GABRG3: variants seen among roughly 807,000 people sequenced by gnomAD.
The protein encoded by GABRG3 is gamma-aminobutyric acid type A receptor subunit gamma3.
In GABRG3, 25 loss-of-function variants were observed where a neutral mutation model predicts 48.8. The ratio of observed to expected loss-of-function variants is 0.51; its 90% CI spans 0.37 to 0.72. The LOEUF (loss-of-function observed/expected upper bound fraction) is 0.72, where lower values mean the gene tolerates loss of function less well. GABRG3 is among the 30% of genes least tolerant of loss of function. The pLI is 0.00. For missense variants in GABRG3, 394 were observed against 577.9 expected, an observed-to-expected ratio of 0.68 and a Z score of 3.26; for synonymous variants, 227 against 217.6, an observed-to-expected ratio of 1.04 and a Z score of -0.38.
chr15:27,152,735 C>A (rs1278318469), intron 3 of GABRG3, among the ~76,000 whole-genome samples: 1 of 151,992 alleles, frequency 6.6e-6, no homozygotes, highest in Admixed American at 6.6e-5. Context: ...TAATTTTGTT[C>A]TTTGCATATT....
At chr15:27,426,886 G>T in intron 5 of GABRG3, among the ~76,000 whole-genome samples, 1 of 152,060 alleles carries the variant, frequency 6.6e-6, no homozygotes, top group East Asian at 1.9e-4. Flanking sequence ...TGCTTCTCTG[G>T]TTGTGGCTTG....
intron 5 of GABRG3, among the ~76,000 whole-genome samples, chr15:27,473,570 CT>C (rs1389141759): frequency 3.3e-5 from 5 of 152,260 alleles, no homozygotes; most frequent in African/African-American, 9.6e-5. Flanking sequence ...AATAAGCTGG[CT>C]GATCAGCTTT....
Position 27,194,835 on chromosome 15 carries a change from C to T in GABRG3, c.271-131974C>T, listed in dbSNP as rs576690003. On this transcript the variant is annotated intron_variant, in intron 3 of 9. Transcript: ENST00000615808. Reference sequence around the variant, plus strand: ...TCAGCCATTATTTCTTGCAATACTTCCAATAGTGTTTCAATCCTCTCTCTC... The same window carrying T: ...TCAGCCATTATTTCTTGCAATACTTTCAATAGTGTTTCAATCCTCTCTCTC... 5.3e-5 allele frequency among the ~76,000 whole-genome samples: 8 copies of T among 152,266 alleles called. No individual in the cohort carries two copies. The South Asian group carries it at 1.7e-3, about 32-fold the overall frequency.
In GABRG3 at chr15:27,355,826, G is replaced by A. The variant is rs532861208; in HGVS notation, c.574+26938G>A. Among the ~76,000 whole-genome samples, 5 of 152,246 alleles carry A rather than the reference G, an allele frequency of 3.3e-5. No homozygotes were observed. The South Asian group carries it at 1.0e-3, about 32-fold the overall frequency. On this transcript the variant is annotated intron_variant, in intron 5 of 9. Coordinates refer to ENST00000615808, the MANE Select transcript of GABRG3 (RefSeq NM_033223.5). Reference sequence around the variant, plus strand: ...AAATTCAAACAGATGCTACAACATAGATAAACTTGGAAACCATGCAAAGTG... The same window carrying A: ...AAATTCAAACAGATGCTACAACATAAATAAACTTGGAAACCATGCAAAGTG...
At chr15:27,166,656 G>C (rs954784028) in intron 3 of GABRG3, among the ~76,000 whole-genome samples, 5 of 152,110 alleles carry the variant, frequency 3.3e-5, no homozygotes, top group Non-Finnish European at 7.4e-5. Context: ...CCAGCTTCCC[G>C]CAAGGAACTG....
rs186624272 is a variant in GABRG3 at position 27,265,831 on chromosome 15, T to G, written c.271-60978T>G. On this transcript the variant is annotated intron_variant, in intron 3 of 9. Transcript: ENST00000615808. ...CTTTTCATGGATCATGCTTTTGGTG[T>G]TTTATCTAAAAACTCATCACCAAAT... Among the ~76,000 whole-genome samples the G allele has an allele frequency of 2.2e-4, 34 of 151,694 alleles. 1 individual carries two copies. The highest frequency in any genetic ancestry group is 2.0e-3 in the Admixed American group (31 of 15,156).
At chr15:27,214,872 C>A (rs1351550845) in intron 3 of GABRG3, among the ~76,000 whole-genome samples, 4 of 152,152 alleles carry the variant, frequency 2.6e-5, no homozygotes, top group African/African-American at 9.7e-5. Flanking sequence ...TCCTTCTCTG[C>A]CAGTCTGTTC....
At chr15:27,212,449 A>G (rs2140435537) in intron 3 of GABRG3, among the ~76,000 whole-genome samples, 1 of 152,314 alleles carries the variant, frequency 6.6e-6, no homozygotes, top group Admixed American at 6.5e-5. Flanking sequence ...TTTTTAACTG[A>G]AGCCCTAGTT....
intron 3 of GABRG3, among the ~76,000 whole-genome samples, chr15:27,143,484 T>A (rs915552117): frequency 1.3e-5 from 2 of 152,244 alleles, no homozygotes; most frequent in African/African-American, 4.8e-5. Context: ...GGTTGACATT[T>A]ATTTGATTTA....
intron 5 of GABRG3, among the ~76,000 whole-genome samples, chr15:27,350,899 TTGTG>T (rs905748049): frequency 9.6e-5 from 14 of 146,292 alleles, no homozygotes; most frequent in Non-Finnish European, 1.4e-4. Context: ...TCGTGTGTGT[TTGTG>T]TGTGTGTATC....
At chr15:27,273,751 C>A (rs1891163423) in intron 3 of GABRG3, among the ~76,000 whole-genome samples, 2 of 152,198 alleles carry the variant, frequency 1.3e-5, no homozygotes, top group South Asian at 4.1e-4. Flanking sequence ...ATTTGAATGA[C>A]TGAAACATTT....
chr15:26,988,879 A>AT lies in GABRG3; in HGVS notation c.202+11734dup, dbSNP rs1185543629. Among the ~76,000 whole-genome samples, 6 of 152,122 alleles carry AT rather than the reference A, an allele frequency of 3.9e-5. No individual in the cohort carries two copies. The East Asian group carries it at 9.6e-4, about 24-fold the overall frequency. On this transcript the variant is annotated intron_variant, in intron 2 of 9. Coordinates refer to ENST00000615808, the MANE Select transcript of GABRG3 (RefSeq NM_033223.5). ...ATACCCTTTCAGCATGGCTGAAAAT[A>AT]TTTTTATTTTGCCTGTGTGAAAACA... is the stretch of plus-strand genomic sequence containing the variant.
intron 6 of GABRG3, among the ~76,000 whole-genome samples, chr15:27,514,672 A>T (rs1890976782): frequency 6.6e-6 from 1 of 152,228 alleles, no homozygotes; most frequent in Admixed American, 6.5e-5. Flanking sequence ...GCCCACACTC[A>T]CGAGGAAGGA....
At chr15:27,428,927 A>G in intron 5 of GABRG3, among the ~76,000 whole-genome samples, 1 of 152,208 alleles carries the variant, frequency 6.6e-6, no homozygotes, top group Non-Finnish European at 1.5e-5. Context: ...AACCTCTCAG[A>G]GTTTACAATT....
intron 3 of GABRG3, chr15:27,158,186 A>G (rs1040581633): frequency 1.3e-5 from 2 of 152,198 alleles, no homozygotes; most frequent in East Asian, 1.9e-4. Context: ...GTTGAAAGCT[A>G]TTTAATACAT....
At chr15:27,370,530 C>T (rs1895375366) in intron 5 of GABRG3, among the ~76,000 whole-genome samples, 1 of 152,140 alleles carries the variant, frequency 6.6e-6, no homozygotes, top group African/African-American at 2.4e-5. Flanking sequence ...ACCCTGGGAT[C>T]CTGGTCCAGC....
chr15:27,176,029 A>AT (rs568419294), intron 3 of GABRG3, among the ~76,000 whole-genome samples: 3 of 59,802 alleles, frequency 5.0e-5, no homozygotes, highest in Admixed American at 1.4e-4. Context: ...GTATGCTGGG[A>AT]AAAAAAAAAA....
chr15:27,283,022 G>A (rs574135250), intron 3 of GABRG3, among the ~76,000 whole-genome samples: 1 of 152,282 alleles, frequency 6.6e-6, no homozygotes, highest in South Asian at 2.1e-4. Flanking sequence ...TCTATCTTAA[G>A]TATATAGATG....
intron 3 of GABRG3, among the ~76,000 whole-genome samples, chr15:27,253,830 A>G (rs1890533345): frequency 6.6e-6 from 1 of 152,226 alleles, no homozygotes; most frequent in Admixed American, 6.5e-5. Flanking sequence ...CCATTTTACC[A>G]TGAGCTGAGT....
Sources: allele counts gnomAD v4.1 joint callset (sites outside exome capture counted in the v4.1 genomes callset), GRCh38; gene constraint gnomAD v4.1.1; transcripts MANE v1.5; gene names NCBI Gene and HGNC (gene_info 2026-07-23, HGNC 2026-07-21).